PCDHGB2: variants seen among roughly 807,000 people sequenced by gnomAD.
The protein encoded by PCDHGB2 is protocadherin gamma-B2.
Under a neutral mutation model 59.3 loss-of-function variants are expected in PCDHGB2, and 55 were observed. The ratio of observed to expected loss-of-function variants is 0.93; its 90% confidence interval spans 0.75 to 1.16. PCDHGB2 has a LOEUF of 1.16. PCDHGB2 is among the 50% of genes most tolerant of loss of function. PCDHGB2 has a pLI of 0.00. For missense variants in PCDHGB2, 1,228 were observed against 1,198.5 expected, an observed-to-expected ratio of 1.02 and a Z score of -0.36; for synonymous variants, 516 against 512.0, an observed-to-expected ratio of 1.01 and a Z score of -0.11.
chr5:141,398,803 A>C (rs551301850), intron 1 of PCDHGB2: 2 of 1,613,960 alleles, frequency 1.2e-6, no homozygotes, highest in African/African-American at 2.7e-5. Context: ...AAGCGGCACC[A>C]CTGAGCTCCG....
chr5:141,389,805 C>G (rs1222548961), intron 1 of PCDHGB2: 1 of 1,613,802 alleles, frequency 6.2e-7, no homozygotes, highest in East Asian at 2.2e-5. Flanking sequence ...CCAGCGCCTT[C>G]TGGTCGCCGT....
intron 1 of PCDHGB2, chr5:141,413,476 G>A: frequency 6.2e-7 from 1 of 1,614,122 alleles, no homozygotes; most frequent in Non-Finnish European, 8.5e-7. Context: ...GGAGCTCTGC[G>A]CTCAGAGCGC....
chr5:141,390,392 C>A, intron 1 of PCDHGB2: 1 of 1,390,890 alleles, frequency 7.2e-7, no homozygotes. Flanking sequence ...TGTCATGGAT[C>A]ATTTTAGGAA....
At chr5:141,404,516 T>G (rs968433488) in intron 1 of PCDHGB2, 1 of 1,613,754 alleles carries the variant, frequency 6.2e-7, no homozygotes, top group African/African-American at 1.3e-5. Flanking sequence ...CTCCTTTGAC[T>G]ATGAGCAGTT....
At chr5:141,473,907 C>A (rs552055360) in intron 1 of PCDHGB2, among the ~76,000 whole-genome samples, 1 of 152,102 alleles carries the variant, frequency 6.6e-6, no homozygotes. Flanking sequence ...ATGAAGAGGT[C>A]TTAAGAAAAC....
intron 1 of PCDHGB2, among the ~76,000 whole-genome samples, chr5:141,373,236 T>A (rs1331345461): frequency 2.6e-5 from 4 of 152,248 alleles, no homozygotes; most frequent in African/African-American, 9.6e-5. Context: ...ATAATATTTT[T>A]ACTTCCCTTT....
intron 1 of PCDHGB2, chr5:141,372,710 T>C (rs1366946720): frequency 6.2e-7 from 1 of 1,613,996 alleles, no homozygotes; most frequent in Admixed American, 1.7e-5. Context: ...ATATAAAGGC[T>C]GAAAATGCTG....
In PCDHGB2 at chr5:141,361,081, A is replaced by AC. The variant is rs1470194517; in HGVS notation, c.947dup (p.Leu317SerfsTer20). ...GGATTTTGAGATTGCAAGTAGTTAC[A>AC]CTCTGAGTATCGAAGCAAAAGATCC... On this transcript the variant is annotated frameshift_variant, in exon 1 of 4. Transcript: ENST00000522605. LOFTEE classifies it high-confidence loss of function. The AC allele has an allele frequency of 6.2e-7, 1 of 1,613,830 alleles. No individual in the cohort carries two copies. Among genetic ancestry groups the AC allele is most frequent in the Non-Finnish European group, 8.5e-7 (1 of 1,179,858 alleles).
At chr5:141,395,542 T>TTGTG (rs55729045) in intron 1 of PCDHGB2, 55 of 172,626 alleles carry the variant, frequency 3.2e-4, no homozygotes, top group East Asian at 1.2e-3. Context: ...TTGCTATTGT[T>TTGTG]TGTGTGTGTG....
Position 141,490,754 on chromosome 5 carries a change from CCTT to C in PCDHGB2, c.2422-4052_2422-4050del, listed in dbSNP as rs775582875. ...CAGGTTCAGGGAGCCCCAGCCTCCT[CCTT>C]TGTGTATGTCAACCCAGAGGATGGA... On this transcript the variant is annotated intron_variant, in intron 1 of 3. Transcript: ENST00000522605. The surrounding 1 kb of genome is among the most constrained non-coding windows in gnomAD (Gnocchi z 5.4). 3.1e-6 allele frequency: 5 copies of C among 1,614,200 alleles called. No individual in the cohort carries two copies. The highest frequency in any genetic ancestry group is 3.4e-6 in the Non-Finnish European group (4 of 1,180,038).
At chr5:141,414,870 G>T in intron 1 of PCDHGB2, 1 of 1,614,224 alleles carries the variant, frequency 6.2e-7, no homozygotes, top group Non-Finnish European at 8.5e-7. Flanking sequence ...ATGCGCCCGA[G>T]ATCCTGTACC....
At position 141,431,510 on chromosome 5, in the gene PCDHGB2, G is replaced by T; in HGVS notation, c.2422-63297G>T. On this transcript the variant is annotated intron_variant, in intron 1 of 3. Transcript: ENST00000522605. The surrounding 1 kb of genome is among the most constrained non-coding windows in gnomAD (Gnocchi z 4.8). ...TGCTCAGCCCGAGTACCGCGCGAGC[G>T]TTCCGGAGAATCTGGCCTTGGGCAC... 1 of 1,614,022 alleles carries T rather than the reference G, an allele frequency of 6.2e-7. No individual in the cohort carries two copies. Among genetic ancestry groups the T allele is most frequent in the Non-Finnish European group, 8.5e-7 (1 of 1,180,026 alleles).
At chr5:141,482,667 G>C (rs2099569914) in intron 1 of PCDHGB2, among the ~76,000 whole-genome samples, 1 of 151,094 alleles carries the variant, frequency 6.6e-6, no homozygotes, top group Admixed American at 6.6e-5. Context: ...ATGATCTAAA[G>C]GTTGAGTAGT....
At chr5:141,364,917 T>A in intron 1 of PCDHGB2, 1 of 1,613,946 alleles carries the variant, frequency 6.2e-7, no homozygotes, top group Non-Finnish European at 8.5e-7. Context: ...GAGCTGGTGT[T>A]GGAACAGCCC....
chr5:141,394,524 G>T lies in PCDHGB2; in HGVS notation c.2421+31968G>T, dbSNP rs977174958. 13 of 1,614,214 alleles carry T rather than the reference G, an allele frequency of 8.1e-6. No homozygotes were observed. ...CCTGTACCCCGCCCTCCCCACAGAC[G>T]GTTCCACTGGCGTGGAGCTGGCGCC... On this transcript the variant is annotated intron_variant, in intron 1 of 3. Coordinates refer to ENST00000522605, the MANE Select transcript of PCDHGB2 (RefSeq NM_018923.3).
rs763036184 is a variant in PCDHGB2, at chr5:141,360,527, C to G, written c.392C>G (p.Pro131Arg). Residue 131 changes from proline to arginine, a missense_variant, in exon 1 of 4, where the codon CCG becomes CGG. Physicochemically the swap from Pro to Arg is moderately radical, Grantham distance 103. Around this residue, in one of 3 missense-constraint regions of PCDHGB2, gnomAD observed 781 missense variants for 721.6 expected, o/e 1.08. Transcript: ENST00000522605. ...GTGCAGGATATAAATGATAATACCC[C>G]GCTATTCAAACAGACTAAGATTAAT... ...VIVQDINDNT[P>R]LFKQTKINLK... 1.2e-6 allele frequency: 2 copies of G among 1,613,910 alleles called. No individual in the cohort carries two copies. Among genetic ancestry groups the G allele is most frequent in the East Asian group, 4.5e-5 (2 of 44,886 alleles).
At chr5:141,455,503 T>C (rs1005615473) in intron 1 of PCDHGB2, among the ~76,000 whole-genome samples, 3 of 152,302 alleles carry the variant, frequency 2.0e-5, no homozygotes, top group Middle Eastern at 3.4e-3. Context: ...CTGATTTGCA[T>C]AGGGCTCAGG....
rs2099718995 is a variant in PCDHGB2 at position 141,491,523 on chromosome 5, G to A, written c.2422-3284G>A. On this transcript the variant is annotated intron_variant, in intron 1 of 3. Transcript: ENST00000522605. This position sits in a 1 kb window ranked among gnomAD's most constrained non-coding sequence, Gnocchi z 6.9. ...CGGACGGCACGCTCAAGTACATGGAGGTGACGCTGCGGCCCACAGACTCGC... is the reference window on the plus strand; with the variant it reads ...CGGACGGCACGCTCAAGTACATGGAAGTGACGCTGCGGCCCACAGACTCGC... The A allele has an allele frequency of 3.1e-6, 5 of 1,613,954 alleles. No individual in the cohort carries two copies. The highest frequency in any genetic ancestry group is 3.4e-6 in the Non-Finnish European group (4 of 1,180,032).
At chr5:141,409,933 GGT>G in intron 1 of PCDHGB2, 1 of 1,613,354 alleles carries the variant, frequency 6.2e-7, no homozygotes, top group East Asian at 2.2e-5. Flanking sequence ...TCTTCGATAT[GGT>G]ACCTCGCTCT....
Sources: allele counts gnomAD v4.1 joint callset (sites outside exome capture counted in the v4.1 genomes callset), GRCh38; gene constraint gnomAD v4.1.1; regional missense constraint gnomAD v4.1.1; non-coding constraint Gnocchi (gnomAD v3.1); transcripts MANE v1.5; gene names NCBI Gene and HGNC (gene_info 2026-07-23, HGNC 2026-07-21).